The following CHDH variants were observed in gnomAD, a reference collection of about 807,000 sequenced individuals.
CHDH encodes the protein choline dehydrogenase, also known as choline dehydrogenase, mitochondrial.
In CHDH, 43 loss-of-function variants were observed where a neutral mutation model predicts 56.9. That is an observed-to-expected ratio of 0.76 (90% CI 0.59 to 0.97). CHDH has a LOEUF of 0.97. Among genes scored for constraint, CHDH ranks in the 50% least tolerant of loss-of-function variants. CHDH has a pLI of 0.00. For missense variants in CHDH, 816 were observed against 821.1 expected, an observed-to-expected ratio of 0.99 and a Z score of 0.08; for synonymous variants, 364 against 348.5, an observed-to-expected ratio of 1.04 and a Z score of -0.50.
At chr3:53,842,161 A>G (rs1426652318) in intron 1 of CHDH, among the ~76,000 whole-genome samples, 1 of 151,648 alleles carries the variant, frequency 6.6e-6, no homozygotes, top group African/African-American at 2.4e-5. Context: ...AGAAAAGCGC[A>G]AAGCTAAAAC....
At chr3:53,822,719 A>AG in intron 3 of CHDH, 77 bp from the exon 4 acceptor site, 6 of 1,531,654 alleles carry the variant, frequency 3.9e-6, no homozygotes, top group Non-Finnish European at 5.3e-6. Context: ...AGCTGGAGAA[A>AG]GAAAGAGTGG....
chr3:53,838,036 G>A (rs1003352053), intron 2 of CHDH, among the ~76,000 whole-genome samples: 4 of 123,672 alleles, frequency 3.2e-5, no homozygotes, highest in East Asian at 5.3e-4. Flanking sequence ...CAACCTGGGC[G>A]ACAGAGTGAG....
At chr3:53,827,672 G>T (rs78161711) in intron 2 of CHDH, among the ~76,000 whole-genome samples, 1,527 of 152,134 alleles carry the variant, frequency 0.01, 32 homozygotes, top group East Asian at 0.072. Flanking sequence ...AAATACTTAG[G>T]TATAAATCTA....
chr3:53,826,880 C>A (rs1375764023), intron 2 of CHDH, among the ~76,000 whole-genome samples: 3 of 152,140 alleles, frequency 2.0e-5, no homozygotes, highest in Non-Finnish European at 4.4e-5. Context: ...AACTAATAAG[C>A]AATTATAGCA....
In CHDH at chr3:53,824,071, A is replaced by ATG; in HGVS notation, c.-59-5_-59-4insCA. On this transcript the variant is annotated splice_region_variant and splice_polypyrimidine_tract_variant and intron_variant, in intron 2 of 8. Transcript: ENST00000315251. ...GAATGAGATGACTCACTTCTCCCTA[A>ATG]AACAGGAAGAGGGGCTTTAAAAATC... 5.1e-6 allele frequency: 7 copies of ATG among 1,365,958 alleles called. No individual in the cohort carries two copies. Among genetic ancestry groups the ATG allele is most frequent in the Admixed American group, 3.2e-5 (1 of 30,964 alleles). The allele number at this position is 1,365,958 out of a possible 1,614,324, so 84.6% of individuals were successfully genotyped here. A position where few individuals can be genotyped will look rare whatever the true frequency, so the allele number is the denominator to read the frequency against.
Position 53,824,052 on chromosome 3 carries a change from G to T in CHDH, c.-44C>A. ...TCCTCTGATCCACGGAGGGGAATGA[G>T]ATGACTCACTTCTCCCTAAAACAGG... On this transcript the variant is annotated 5_prime_UTR_variant, in exon 3 of 9. Transcript: ENST00000315251. 2 of 1,405,144 alleles carry T rather than the reference G, an allele frequency of 1.4e-6. No individual in the cohort carries two copies. The highest frequency in any genetic ancestry group is 1.8e-6 in the Non-Finnish European group (2 of 1,082,906). The allele number at this position is 1,405,144 out of a possible 1,614,324, so 87.0% of individuals were successfully genotyped here. A position where few individuals can be genotyped will look rare whatever the true frequency, so the allele number is the denominator to read the frequency against.
chr3:53,835,924 C>T (rs1698480818), intron 2 of CHDH, among the ~76,000 whole-genome samples: 1 of 152,196 alleles, frequency 6.6e-6, no homozygotes, highest in Non-Finnish European at 1.5e-5. Flanking sequence ...GGGACCCCCT[C>T]CACCACAGGC....
Position 53,819,665 on chromosome 3 carries a change from G to T in CHDH, c.1130C>A (p.Ala377Asp). Residue 377 changes from alanine to aspartate, a missense_variant, in exon 7 of 9, where the codon GCC (alanine) becomes GAC (aspartate). Transcript: ENST00000315251. This position sits in a 1 kb window ranked among gnomAD's most constrained non-coding sequence, Gnocchi z 5.4. ...EWLWKFTGEG[A>D]TAHLETGGFI... ...CCCACCTGTTTCCAGATGGGCAGTG[G>T]CTCCCTCCCCTGAGAAGCAGAAGAG... 6.2e-7 allele frequency: 1 copy of T among 1,602,992 alleles called. No individual in the cohort carries two copies. Among genetic ancestry groups the T allele is most frequent in the Non-Finnish European group, 8.5e-7 (1 of 1,174,214 alleles).
intron 2 of CHDH, among the ~76,000 whole-genome samples, chr3:53,829,078 A>G (rs1423228763): frequency 2.0e-5 from 3 of 152,228 alleles, no homozygotes; most frequent in Non-Finnish European, 2.9e-5. Flanking sequence ...AAAAGAAATG[A>G]GCCAGAAAGC....
At chr3:53,832,687 A>G (rs1215940846) in intron 2 of CHDH, among the ~76,000 whole-genome samples, 1 of 152,244 alleles carries the variant, frequency 6.6e-6, no homozygotes, top group African/African-American at 2.4e-5. Context: ...AAGTGAAATA[A>G]GCCAGACACC....
At chr3:53,845,446 G>A (rs1342721708) in intron 1 of CHDH, among the ~76,000 whole-genome samples, 1 of 152,206 alleles carries the variant, frequency 6.6e-6, no homozygotes, top group Non-Finnish European at 1.5e-5. Context: ...CTGCCTACAA[G>A]TTTAAATGGC....
rs1553695052 is a variant in CHDH at position 53,816,141 on chromosome 3, C to CCG, written c.*1635_*1636insCG. On this transcript the variant is annotated 3_prime_UTR_variant, in exon 9 of 9. Coordinates refer to ENST00000315251, the MANE Select transcript of CHDH (RefSeq NM_018397.5). ...ACTTGTGGCTGTCGGACGCCCCCCC[C>CCG]CCCCGCCCCAGTCTGTAAGCCGCCC... is the stretch of plus-strand genomic sequence containing the variant. 8.3e-6 allele frequency: 1 copy of CCG among 121,016 alleles called. No homozygotes were observed. Among genetic ancestry groups the CCG allele is most frequent in the African/African-American group, 3.5e-5 (1 of 28,788 alleles). The allele number at this position is 121,016 out of a possible 1,614,324, so 7.5% of individuals were successfully genotyped here. A position where few individuals can be genotyped will look rare whatever the true frequency, so the allele number is the denominator to read the frequency against.
intron 8 of CHDH, among the ~76,000 whole-genome samples, chr3:53,818,545 A>G (rs763162406): frequency 1.3e-5 from 2 of 152,210 alleles, no homozygotes; most frequent in Non-Finnish European, 2.9e-5. Context: ...AAACCTGCCC[A>G]GTGGGTAGTG....
Position 53,823,701 on chromosome 3 carries a change from T to C in CHDH, c.308A>G (p.Tyr103Cys). 1 of 1,550,096 alleles carries C rather than the reference T, an allele frequency of 6.5e-7. No homozygotes were observed. The highest frequency in any genetic ancestry group is 8.7e-7 in the Non-Finnish European group (1 of 1,147,790). Residue 103 changes from tyrosine to cysteine, a missense_variant, in exon 3 of 9, where the codon TAC (tyrosine) becomes TGC (cysteine). Tyr to Cys is a radical substitution (Grantham distance 194, BLOSUM62 -2). Transcript: ENST00000315251. Reference protein sequence around the residue: ...ALVANLCDDRYNWCYHTEVQR... With the variant: ...ALVANLCDDRCNWCYHTEVQR... ...CACCTCTGTGTGGTAGCACCAGTTG[T>C]ACCTGTCGTCGCACAGGTTGGCCAC...
intron 2 of CHDH, among the ~76,000 whole-genome samples, chr3:53,837,979 C>G (rs1559762342): frequency 7.0e-6 from 1 of 142,490 alleles, no homozygotes; most frequent in East Asian, 2.1e-4. Flanking sequence ...ATCGCTTGAA[C>G]CTGGGAGGCA....
At chr3:53,834,748 C>G (rs1698443741) in intron 2 of CHDH, among the ~76,000 whole-genome samples, 1 of 152,228 alleles carries the variant, frequency 6.6e-6, no homozygotes, top group Admixed American at 6.5e-5. Context: ...CCCAGCAGCA[C>G]TTTCTTCCTC....
intron 1 of CHDH, among the ~76,000 whole-genome samples, chr3:53,842,224 C>T (rs1395548363): frequency 6.6e-6 from 1 of 152,080 alleles, no homozygotes; most frequent in East Asian, 1.9e-4. Flanking sequence ...TTTCATCCTC[C>T]CTCTTCTTAC....
At chr3:53,820,725 G>T in intron 5 of CHDH, 117 bp from the exon 6 acceptor site, 1 of 1,290,552 alleles carries the variant, frequency 7.7e-7, no homozygotes, top group East Asian at 2.4e-5. Context: ...ACCAGCTCCT[G>T]CTCAGTTCCC....
chr3:53,820,835 C>T (rs978365893), intron 5 of CHDH, among the ~76,000 whole-genome samples: 8 of 152,372 alleles, frequency 5.3e-5, no homozygotes, highest in East Asian at 3.9e-4. Context: ...GTCCTTGTCA[C>T]TCACTCCTAC....
Sources: allele counts gnomAD v4.1 joint callset (sites outside exome capture counted in the v4.1 genomes callset), GRCh38; gene constraint gnomAD v4.1.1; non-coding constraint Gnocchi (gnomAD v3.1); transcripts MANE v1.5; gene names NCBI Gene and HGNC (gene_info 2026-07-23, HGNC 2026-07-21).